The following CABLES1 variants were observed in gnomAD, a reference collection of about 807,000 sequenced individuals.
CABLES1 encodes Cdk5 and Abl enzyme substrate 1, also known as CDK5 and ABL1 enzyme substrate 1.
In CABLES1, 36 loss-of-function variants were observed where a neutral mutation model predicts 57.8. That is an observed-to-expected ratio of 0.62 (90% CI 0.48 to 0.82). The LOEUF (loss-of-function observed/expected upper bound fraction) is 0.82, where lower values mean the gene tolerates loss of function less well. CABLES1 is among the 40% of genes least tolerant of loss of function. The pLI, the probability that CABLES1 is intolerant of heterozygous loss-of-function variation, is 0.00. For missense variants in CABLES1, 767 were observed against 836.6 expected (o/e 0.92, Z 1.03); for synonymous variants, 374 against 363.0 (o/e 1.03, Z -0.35).
chr18:23,177,139 G>A lies in CABLES1; in HGVS notation c.846-11699G>A, dbSNP rs555560306. The stretch of plus-strand genomic sequence containing the variant: ...GAAAAATAAATGCGTATCTGGCTTA[G>A]AAAGTCTTCAGCAGGTAAAGGCATT... On this transcript the variant is annotated intron_variant, in intron 1 of 9. Coordinates refer to ENST00000256925, the MANE Select transcript of CABLES1 (RefSeq NM_001100619.3). 3.3e-5 allele frequency among the ~76,000 whole-genome samples: 5 copies of A among 152,246 alleles called. No homozygotes were observed. The South Asian group carries it at 8.3e-4, about 25-fold the overall frequency.
chr18:23,186,767 T>C (rs927446333), intron 1 of CABLES1, among the ~76,000 whole-genome samples: 3 of 152,128 alleles, frequency 2.0e-5, no homozygotes, highest in African/African-American at 7.2e-5. Flanking sequence ...GACCCCAGGA[T>C]TGCAATTTCA....
intron 2 of CABLES1, chr18:23,189,464 G>A (rs935829001): frequency 1.2e-4 from 19 of 155,506 alleles, no homozygotes; most frequent in Non-Finnish European, 2.0e-4. Flanking sequence ...GTGCTGTGCC[G>A]GTGACTGACA....
At chr18:23,193,665 C>T (rs1350132119) in intron 2 of CABLES1, among the ~76,000 whole-genome samples, 1 of 152,114 alleles carries the variant, frequency 6.6e-6, no homozygotes, top group African/African-American at 2.4e-5. Flanking sequence ...GAGCATTTTG[C>T]TTTTCTGTCG....
intron 7 of CABLES1, 33 bp downstream of exon 7, chr18:23,237,278 G>T (rs757939131): frequency 4.2e-6 from 6 of 1,440,772 alleles, no homozygotes; most frequent in Non-Finnish European, 5.9e-6. Context: ...TCCGTTTGCT[G>T]CACCGTCAGT....
intron 3 of CABLES1, among the ~76,000 whole-genome samples, chr18:23,211,096 T>A (rs1212197726): frequency 2.0e-5 from 3 of 151,778 alleles, no homozygotes; most frequent in Non-Finnish European, 4.4e-5. Context: ...GCTCACTTAA[T>A]AGAACAAGCA....
chr18:23,187,566 T>C lies in CABLES1; in HGVS notation c.846-1272T>C, dbSNP rs1432438556. Among the ~76,000 whole-genome samples the C allele has an allele frequency of 2.0e-5, 3 of 152,342 alleles. No homozygotes were observed. In the South Asian group the frequency reaches 6.2e-4, roughly 32 times the overall value. ...CACACCCGGCTAATTTTTGTATTTT[T>C]AGTAAAGACAGGGTTTCACCATGTT... On this transcript the variant is annotated intron_variant, in intron 1 of 9. Coordinates refer to ENST00000256925, the MANE Select transcript of CABLES1 (RefSeq NM_001100619.3).
intron 1 of CABLES1, among the ~76,000 whole-genome samples, chr18:23,167,853 G>T (rs1423864253): frequency 6.6e-6 from 1 of 152,216 alleles, no homozygotes; most frequent in Non-Finnish European, 1.5e-5. Flanking sequence ...GATGTTTGGG[G>T]GAGGGGCCCT....
At chr18:23,234,275 T>C (rs1281330766) in intron 4 of CABLES1, among the ~76,000 whole-genome samples, 1 of 152,104 alleles carries the variant, frequency 6.6e-6, no homozygotes, top group Non-Finnish European at 1.5e-5. Context: ...CCCAGCAAAC[T>C]GTGGTCCCAC....
At chr18:23,217,847 G>C (rs2145058339) in intron 4 of CABLES1, among the ~76,000 whole-genome samples, 1 of 152,354 alleles carries the variant, frequency 6.6e-6, no homozygotes, top group African/African-American at 2.4e-5. Flanking sequence ...TAGAATTTCA[G>C]GGGTGGAAAG....
chr18:23,218,588 CCTCCCGCATCCTCACTTGCCCTGG>C (rs1568072584), intron 4 of CABLES1, among the ~76,000 whole-genome samples: 14 of 62,646 alleles, frequency 2.2e-4, no homozygotes, highest in Admixed American at 8.7e-4. Context: ...ACTTGCCCTG[CCTCCCGCATCCTCACTTGCCCTGG>C]CTCCCGCATC....
chr18:23,141,707 T>C (rs2046858941), intron 1 of CABLES1, among the ~76,000 whole-genome samples: 1 of 152,168 alleles, frequency 6.6e-6, no homozygotes, highest in Non-Finnish European at 1.5e-5. Flanking sequence ...TCAGGAGAAA[T>C]ACATAGGAAG....
intron 4 of CABLES1, among the ~76,000 whole-genome samples, chr18:23,230,179 T>C (rs2145076124): frequency 1.3e-5 from 2 of 152,324 alleles, no homozygotes; most frequent in South Asian, 4.1e-4. Flanking sequence ...GAGACCATCC[T>C]GGCTAATATG....
At chr18:23,192,551 G>T (rs753693581) in intron 2 of CABLES1, among the ~76,000 whole-genome samples, 1 of 152,176 alleles carries the variant, frequency 6.6e-6, no homozygotes, top group Non-Finnish European at 1.5e-5. Flanking sequence ...TCTGCGAGCC[G>T]CCTGAACCCG....
chr18:23,156,867 T>C (rs1419800291), intron 1 of CABLES1, among the ~76,000 whole-genome samples: 8 of 152,158 alleles, frequency 5.3e-5, no homozygotes, highest in African/African-American at 1.9e-4. Flanking sequence ...CTTGGGACCC[T>C]TTTAAACAGT....
chr18:23,179,838 GA>G (rs2047151704), intron 1 of CABLES1, among the ~76,000 whole-genome samples: 1 of 152,260 alleles, frequency 6.6e-6, no homozygotes, highest in South Asian at 2.1e-4. Context: ...CTTCTGTTAA[GA>G]GGTAGCAGCT....
chr18:23,216,827 C>T (rs974066386), intron 4 of CABLES1, among the ~76,000 whole-genome samples: 3 of 152,158 alleles, frequency 2.0e-5, no homozygotes, highest in African/African-American at 7.2e-5. Flanking sequence ...CCAGTTGGTG[C>T]TAGGAAACAG....
chr18:23,202,278 T>C (rs1044600539), intron 3 of CABLES1, among the ~76,000 whole-genome samples: 1 of 152,214 alleles, frequency 6.6e-6, no homozygotes, highest in African/African-American at 2.4e-5. Flanking sequence ...GGGTGGGTAT[T>C]ATCTTCTAAA....
chr18:23,155,714 A>G, intron 1 of CABLES1: 1 of 926,838 alleles, frequency 1.1e-6, no homozygotes, highest in Non-Finnish European at 1.6e-6. Flanking sequence ...TCCACGTGGC[A>G]GGATCCTAGA....
chr18:23,229,055 A>G (rs1424897824), intron 4 of CABLES1, among the ~76,000 whole-genome samples: 1 of 152,212 alleles, frequency 6.6e-6, no homozygotes, highest in Non-Finnish European at 1.5e-5. Flanking sequence ...ACAACTTTAG[A>G]CAATATTCAT....
Sources: gnomAD v4.1 joint callset for allele counts (sites outside exome capture counted in the v4.1 genomes callset) on GRCh38, gnomAD v4.1.1 for gene constraint, MANE v1.5 for transcripts, NCBI Gene and HGNC (gene_info 2026-07-23, HGNC 2026-07-21) for gene names.